CHD6: variants seen among roughly 807,000 people sequenced by gnomAD.
CHD6 encodes chromodomain helicase DNA binding protein 6, also known as ATP-dependent chromatin remodeler CHD6.
In CHD6, 50 loss-of-function variants were observed where a neutral mutation model predicts 276.9. That is an observed-to-expected ratio of 0.18 (90% CI 0.14 to 0.23). The LOEUF is 0.23. CHD6 is among the 10% of genes least tolerant of loss of function. CHD6 has a pLI of 1.00. For synonymous variants in CHD6, 1,173 were observed against 1,229.3 expected (o/e 0.95, Z 0.96); for missense variants, 2,564 against 3,365.8 (o/e 0.76, Z 5.89).
At chr20:41,527,841 C>T (rs996909224) in intron 3 of CHD6, among the ~76,000 whole-genome samples, 2 of 152,174 alleles carry the variant, frequency 1.3e-5, no homozygotes, top group African/African-American at 4.8e-5. Context: ...TCAGGTGGCT[C>T]TGGACTCATG....
intron 1 of CHD6, among the ~76,000 whole-genome samples, chr20:41,566,955 A>T (rs1346181125): frequency 6.6e-6 from 1 of 152,216 alleles, no homozygotes; most frequent in Non-Finnish European, 1.5e-5. Flanking sequence ...ACCGTGACCA[A>T]GGACACCTGG....
chr20:41,534,380 G>A (rs1164440196), intron 2 of CHD6, among the ~76,000 whole-genome samples: 1 of 152,222 alleles, frequency 6.6e-6, no homozygotes, highest in Non-Finnish European at 1.5e-5. Context: ...AGTTGCCCAG[G>A]TGGCATGGTT....
rs750245262 is a variant in CHD6, at chr20:41,512,976, T to C, written c.722A>G (p.Gln241Arg). ...CTCATTGTATTTTCTGCGCTTTACT[T>C]GCCTTCCCGAGCGTCGTTTCTGTAG... ...TDSQKRRSGR[Q>R]VKRRKYNEDL... The change falls in exon 5 of 37, where the codon CAA becomes CGA. Residue 241 changes from glutamine (Q) to arginine (R), a missense_variant. Around this residue, in one of 7 missense-constraint regions of CHD6, gnomAD observed 286 missense variants for 297.8 expected, o/e 0.96. Coordinates refer to ENST00000373233, the MANE Select transcript of CHD6 (RefSeq NM_032221.5). 2.4e-5 allele frequency: 38 copies of C among 1,613,910 alleles called. No individual in the cohort carries two copies. Among genetic ancestry groups the C allele is most frequent in the Middle Eastern group, 3.3e-4 (2 of 6,082 alleles).
chr20:41,591,707 A>T (rs1332684453), intron 1 of CHD6, among the ~76,000 whole-genome samples: 1 of 152,052 alleles, frequency 6.6e-6, no homozygotes, highest in Non-Finnish European at 1.5e-5. Flanking sequence ...AGAAAAAACA[A>T]AGCCAGTAGA....
At chr20:41,544,715 TAC>T (rs1205760512) in intron 2 of CHD6, among the ~76,000 whole-genome samples, 1 of 150,310 alleles carries the variant, frequency 6.7e-6, no homozygotes, top group African/African-American at 2.4e-5. Context: ...ACTAAAATAT[TAC>T]ACAGTAATAT....
chr20:41,465,323 G>C (rs73123240), intron 17 of CHD6, among the ~76,000 whole-genome samples: 3 of 152,164 alleles, frequency 2.0e-5, no homozygotes, highest in Non-Finnish European at 2.9e-5. Context: ...TTCATATCAC[G>C]CATCCCCTGA....
At chr20:41,540,537 A>T (rs1261507194) in intron 2 of CHD6, among the ~76,000 whole-genome samples, 3 of 152,226 alleles carry the variant, frequency 2.0e-5, no homozygotes, top group African/African-American at 7.2e-5. Context: ...AGGATTCAAG[A>T]ATCAAAGGCA....
chr20:41,415,052 T>C (rs1335748744), intron 34 of CHD6, 134 bp downstream of exon 34: 12 of 1,469,460 alleles, frequency 8.2e-6, no homozygotes, highest in East Asian at 2.3e-5. Flanking sequence ...GGGCATCTTA[T>C]AATGAGAGAA....
chr20:41,603,094 T>C (rs2045789724), intron 1 of CHD6, among the ~76,000 whole-genome samples: 1 of 152,190 alleles, frequency 6.6e-6, no homozygotes, highest in Non-Finnish European at 1.5e-5. Flanking sequence ...GGCTCATGCC[T>C]GTAAACCCAG....
Position 41,426,075 on chromosome 20 carries a change from A to AG in CHD6, c.4129+17dup. ...TAAGACCTTACTTTCCTATGCCTTC[A>AG]GAAGGACATAGTCTCACCTGCCCGG... On this transcript the variant is annotated intron_variant, in intron 28 of 36. Transcript: ENST00000373233. 1.3e-6 allele frequency: 2 copies of AG among 1,572,626 alleles called. No homozygotes were observed. The highest frequency in any genetic ancestry group is 1.8e-6 in the Non-Finnish European group (2 of 1,142,120).
intron 3 of CHD6, among the ~76,000 whole-genome samples, chr20:41,523,073 AAAG>A (rs1430647581): frequency 1.3e-5 from 2 of 152,202 alleles, no homozygotes; most frequent in Non-Finnish European, 2.9e-5. Flanking sequence ...ATGCATTTGC[AAAG>A]AATGGAGTGG....
intron 3 of CHD6, among the ~76,000 whole-genome samples, chr20:41,532,478 G>A (rs950879593): frequency 4.6e-5 from 7 of 152,164 alleles, no homozygotes; most frequent in Non-Finnish European, 1.0e-4. Flanking sequence ...CACGACTGCT[G>A]TTCCAAAAAT....
At chr20:41,535,658 A>T (rs1331584626) in intron 2 of CHD6, among the ~76,000 whole-genome samples, 2 of 152,216 alleles carry the variant, frequency 1.3e-5, no homozygotes, top group Non-Finnish European at 2.9e-5. Flanking sequence ...CAGGAGTTAG[A>T]GACCAGCCTG....
Position 41,451,108 on chromosome 20 carries a change from G to A in CHD6, c.3524-3C>T, listed in dbSNP as rs1319115785. 1 of 1,613,176 alleles carries A rather than the reference G, an allele frequency of 6.2e-7. No individual in the cohort carries two copies. Among genetic ancestry groups the A allele is most frequent in the South Asian group, 1.1e-5 (1 of 90,884 alleles). On this transcript the variant is annotated splice_polypyrimidine_tract_variant and splice_region_variant and intron_variant, in intron 22 of 36. Transcript: ENST00000373233. ...TCTGGGGACTGGGGCAGATAAGCCT[G>A]AAACAGAAAGACAGCATAGGGCAAG...
chr20:41,434,535 T>C (rs1284298873), intron 27 of CHD6, among the ~76,000 whole-genome samples: 2 of 152,072 alleles, frequency 1.3e-5, no homozygotes, highest in African/African-American at 4.8e-5. Context: ...CACGCCTGGC[T>C]AATTTTGTAT....
intron 3 of CHD6, among the ~76,000 whole-genome samples, chr20:41,516,586 C>T (rs541227883): frequency 3.3e-5 from 5 of 152,140 alleles, no homozygotes; most frequent in African/African-American, 4.8e-5. Flanking sequence ...GATGTGAACC[C>T]GAGTGGAGTC....
rs186664701 is a variant in CHD6, at chr20:41,444,384, C to A, written c.3877+1281G>T. On this transcript the variant is annotated intron_variant, in intron 25 of 36. Coordinates refer to ENST00000373233, the MANE Select transcript of CHD6 (RefSeq NM_032221.5). ...TCACATTTTAAGTGCTCAATAGCCA[C>A]ACAGGGCTAGTGGCTTCCACAGCAG... Among the ~76,000 whole-genome samples the A allele has an allele frequency of 6.4e-3, 971 of 152,296 alleles. 10 individuals carry two copies. The highest frequency in any genetic ancestry group is 0.01 in the Non-Finnish European group (689 of 68,022).
At chr20:41,615,555 A>G (rs2045926827) in intron 1 of CHD6, among the ~76,000 whole-genome samples, 1 of 152,242 alleles carries the variant, frequency 6.6e-6, no homozygotes, top group African/African-American at 2.4e-5. Flanking sequence ...TATTAAAAAC[A>G]AAACTATTTC....
intron 3 of CHD6, among the ~76,000 whole-genome samples, chr20:41,530,761 T>C (rs946159422): frequency 3.3e-5 from 5 of 152,208 alleles, no homozygotes; most frequent in South Asian, 2.1e-4. Flanking sequence ...CAATGTAATA[T>C]AACTCTAAAA....
Sources: allele counts gnomAD v4.1 joint callset (sites outside exome capture counted in the v4.1 genomes callset), GRCh38; gene constraint gnomAD v4.1.1; regional missense constraint gnomAD v4.1.1; transcripts MANE v1.5; gene names NCBI Gene and HGNC (gene_info 2026-07-23, HGNC 2026-07-21).